Variants in DHRSX observed in about 807,000 individuals in gnomAD.
The protein encoded by DHRSX is polyprenol dehydrogenase.
DHRSX carries 31 observed loss-of-function variants against 34.0 expected under a neutral mutation model. The observed-to-expected ratio is 0.91, with a 90% confidence interval of 0.69 to 1.23. The LOEUF is 1.23. Ranked by LOEUF, DHRSX falls within the 50% of genes most tolerant of loss-of-function variation. The probability of loss-of-function intolerance (pLI) is 0.00; values close to 1 mark genes in which losing one functional copy is unlikely to be tolerated. For missense variants in DHRSX, 414 were observed against 428.1 expected (o/e 0.97, Z 0.29); for synonymous variants, 201 against 183.8 (o/e 1.09, Z -0.76).
intron 4 of DHRSX, among the ~76,000 whole-genome samples, chrX:2,276,508 C>G (rs891979256): frequency 2.6e-5 from 4 of 152,142 alleles, no homozygotes; most frequent in African/African-American, 9.7e-5. Context: ...GTCCATTGAT[C>G]TGCCAATTCA....
At chrX:2,425,142 G>GAA (rs11398813) in intron 2 of DHRSX, 55 bp downstream of exon 2, 159,498 of 1,167,776 alleles carry the variant, frequency 0.14, 1,518 homozygotes, top group East Asian at 0.32. Context: ...TCCTGTCTCA[G>GAA]AAAAAAAAAA....
At chrX:2,345,106 T>C (rs1187445097) in intron 3 of DHRSX, among the ~76,000 whole-genome samples, 2 of 151,704 alleles carry the variant, frequency 1.3e-5, no homozygotes, top group Non-Finnish European at 2.9e-5. Context: ...CTTCCATGGC[T>C]TCCCCTGCCT....
At chrX:2,288,669 G>A (rs2041832967) in intron 4 of DHRSX, among the ~76,000 whole-genome samples, 1 of 152,218 alleles carries the variant, frequency 6.6e-6, no homozygotes, top group South Asian at 2.1e-4. Context: ...ACTGGCTTGA[G>A]GTGCCTCTGA....
intron 3 of DHRSX, among the ~76,000 whole-genome samples, chrX:2,350,952 C>T (rs929880313): frequency 1.3e-5 from 2 of 152,206 alleles, no homozygotes; most frequent in African/African-American, 4.8e-5. Context: ...AAGCTGGAAA[C>T]TGTTATTCTC....
intron 2 of DHRSX, among the ~76,000 whole-genome samples, chrX:2,421,541 T>A (rs986721506): frequency 6.6e-6 from 1 of 152,226 alleles, no homozygotes; most frequent in Non-Finnish European, 1.5e-5. Context: ...GAAGGCCACA[T>A]GGGCTGAACA....
At chrX:2,222,370 T>A (rs2015540169) in intron 6 of DHRSX, among the ~76,000 whole-genome samples, 1 of 152,246 alleles carries the variant, frequency 6.6e-6, no homozygotes, top group African/African-American at 2.4e-5. Flanking sequence ...ATGGTTGGTG[T>A]TTCTGGTGGC....
At position 2,498,547 on chromosome X, in the gene DHRSX, T is replaced by G. The variant is rs147919853; in HGVS notation, c.109+2270A>C. 1.5e-4 allele frequency among the ~76,000 whole-genome samples: 23 copies of G among 151,388 alleles called. 1 individual carries two copies. The highest frequency in any genetic ancestry group is 5.6e-4 in the African/African-American group (23 of 41,260). ...GTTTCGATACACACCCGGGTACAGA[T>G]TCCCTTGGCAGACACGTGACTTCAC... On this transcript the variant is annotated intron_variant, in intron 1 of 6. Coordinates refer to ENST00000334651, the MANE Select transcript of DHRSX (RefSeq NM_145177.3).
intron 1 of DHRSX, among the ~76,000 whole-genome samples, chrX:2,440,942 C>T (rs1453310046): frequency 6.6e-6 from 1 of 152,178 alleles, no homozygotes; most frequent in African/African-American, 2.4e-5. Flanking sequence ...AACGCTGTAA[C>T]CAGCCCTGTC....
chrX:2,234,070 G>A (rs776252319), intron 6 of DHRSX, among the ~76,000 whole-genome samples: 7 of 152,316 alleles, frequency 4.6e-5, no homozygotes, highest in South Asian at 2.1e-4. Context: ...CCCCTCCCTC[G>A]TCATCTCCCT....
chrX:2,261,844 A>C (rs1399665272), intron 5 of DHRSX: 2 of 152,180 alleles, frequency 1.3e-5, no homozygotes, highest in African/African-American at 4.8e-5. Flanking sequence ...CTCTCAGAAT[A>C]ACAGACAGGC....
intron 3 of DHRSX, among the ~76,000 whole-genome samples, chrX:2,387,095 T>G (rs1163548823): frequency 6.6e-6 from 1 of 152,172 alleles, no homozygotes; most frequent in African/African-American, 2.4e-5. Context: ...AGCTTCCATT[T>G]CCATGGATAT....
chrX:2,428,052 T>C (rs2043871206), intron 1 of DHRSX, among the ~76,000 whole-genome samples: 1 of 152,122 alleles, frequency 6.6e-6, no homozygotes, highest in African/African-American at 2.4e-5. Flanking sequence ...GGGAATTAAA[T>C]AATGTGTACA....
At chrX:2,386,155 A>ATTT in intron 3 of DHRSX, among the ~76,000 whole-genome samples, 1 of 131,854 alleles carries the variant, frequency 7.6e-6, no homozygotes, top group Non-Finnish European at 1.6e-5. Context: ...ATAGATAATC[A>ATTT]ATTATTTATT....
chrX:2,461,880 G>T (rs906641264), intron 1 of DHRSX, among the ~76,000 whole-genome samples: 4 of 151,998 alleles, frequency 2.6e-5, no homozygotes, highest in African/African-American at 9.7e-5. Flanking sequence ...TAGAGATGAG[G>T]TTTGGCCATG....
chrX:2,288,571 C>T (rs142877549), intron 4 of DHRSX, among the ~76,000 whole-genome samples: 22 of 152,282 alleles, frequency 1.4e-4, no homozygotes, highest in East Asian at 1.2e-3. Context: ...GGTGAAGAAA[C>T]GCTGACAGTC....
rs181396270 is a variant in DHRSX at position 2,377,304 on chromosome X, G to C, written c.286+31441C>G. ...TACAACTCATTGCCATGTAGACTCA[G>C]TGGGAGCCCCAAACTTGTTTTCCTG... On this transcript the variant is annotated intron_variant, in intron 3 of 6. Transcript: ENST00000334651. Among the ~76,000 whole-genome samples the C allele has an allele frequency of 3.4e-3, 518 of 151,860 alleles. 4 individuals carry two copies. The highest frequency in any genetic ancestry group is 5.8e-3 in the South Asian group (28 of 4,808).
At chrX:2,335,763 T>G (rs1320379108) in intron 3 of DHRSX, among the ~76,000 whole-genome samples, 1 of 151,698 alleles carries the variant, frequency 6.6e-6, no homozygotes, top group Non-Finnish European at 1.5e-5. Flanking sequence ...GGAGTAACTT[T>G]GAATAAAACG....
intron 1 of DHRSX, among the ~76,000 whole-genome samples, chrX:2,440,100 G>A (rs1349637265): frequency 6.6e-6 from 1 of 152,166 alleles, no homozygotes; most frequent in Non-Finnish European, 1.5e-5. Flanking sequence ...TGAACAGAAT[G>A]CAGAAAGGAA....
intron 5 of DHRSX, among the ~76,000 whole-genome samples, 168 bp downstream of exon 5, chrX:2,266,572 G>A (rs1324898336): frequency 1.3e-5 from 2 of 151,322 alleles, no homozygotes; most frequent in Non-Finnish European, 3.0e-5. Flanking sequence ...GGCAGATGCA[G>A]GGAGCACTGT....
Sources: allele counts gnomAD v4.1 joint callset (sites outside exome capture counted in the v4.1 genomes callset), GRCh38; gene constraint gnomAD v4.1.1; transcripts MANE v1.5; gene names NCBI Gene and HGNC (gene_info 2026-07-23, HGNC 2026-07-21).